Variants in MX2 observed in about 807,000 individuals in gnomAD.
The protein encoded by MX2 is interferon-induced GTP-binding protein Mx2.
MX2 carries 51 observed loss-of-function variants against 74.0 expected under a neutral mutation model. The ratio of observed to expected loss-of-function variants is 0.69; its 90% CI spans 0.55 to 0.87. The LOEUF is 0.87. Among genes scored for constraint, MX2 ranks in the 40% least tolerant of loss-of-function variants. MX2 has a pLI of 0.00. For synonymous variants in MX2, 369 were observed against 339.3 expected (o/e 1.09, Z -0.96); for missense variants, 832 against 908.7 (o/e 0.92, Z 1.09).
At chr21:41,364,201 G>A (rs2089242830) in intron 1 of MX2, 1 of 152,484 alleles carries the variant, frequency 6.6e-6, no homozygotes, top group East Asian at 1.9e-4. Flanking sequence ...CCAGCTTCCT[G>A]GGCCTTCACC....
At position 41,395,752 on chromosome 21, in the gene MX2, A is replaced by G. The variant is rs755302243; in HGVS notation, c.1037A>G (p.Glu346Gly). The change falls in exon 7 of 14, where the codon GAA (glutamate) becomes GGA (glycine). Residue 346 changes from glutamate (E) to glycine (G), a missense_variant. Physicochemically the swap from Glu to Gly is moderately conservative, Grantham distance 98 (BLOSUM62 -2). Transcript: ENST00000330714. Reference sequence around the variant, plus strand: ...AGCTTGGCAGAGGCAACCAAGAAAGAAATTACATTCTTTCAAACACATCCA... The same window carrying G: ...AGCTTGGCAGAGGCAACCAAGAAAGGAATTACATTCTTTCAAACACATCCA... Reference protein sequence around the residue: ...RLSLAEATKKEITFFQTHPYF... With the variant: ...RLSLAEATKKGITFFQTHPYF... 34 of 1,614,082 alleles carry G rather than the reference A, an allele frequency of 2.1e-5. No homozygotes were observed. The highest frequency in any genetic ancestry group is 2.7e-5 in the Non-Finnish European group (32 of 1,180,046).
Position 41,390,647 on chromosome 21 carries a change from C to T in MX2, c.815C>T (p.Thr272Ile). The T allele has an allele frequency of 1.9e-6, 3 of 1,614,180 alleles. No homozygotes were observed. Among genetic ancestry groups the T allele is most frequent in the Non-Finnish European group, 2.5e-6 (3 of 1,180,042 alleles). The change falls in exon 6 of 14, where the codon ACC becomes ATC. Residue 272 changes from threonine to isoleucine, a missense_variant. Physicochemically the swap from Thr to Ile is moderately conservative, Grantham distance 89 (BLOSUM62 -1). Coordinates refer to ENST00000330714, the MANE Select transcript of MX2 (RefSeq NM_002463.2). ...VVVPCNVDIA[T>I]TEALSMAHEV... is the part of the protein sequence containing the mutation. ...GTTCCCTGTAACGTGGACATTGCCA[C>T]CACGGAGGCGCTGAGCATGGCCCAT... is the stretch of plus-strand genomic sequence containing the variant.
At chr21:41,373,155 TC>T (rs1200934708) in intron 1 of MX2, among the ~76,000 whole-genome samples, 1 of 152,162 alleles carries the variant, frequency 6.6e-6, no homozygotes, top group Non-Finnish European at 1.5e-5. Flanking sequence ...TGGCAGTGTC[TC>T]CCGGCTGGGT....
In MX2 at chr21:41,382,529, G is replaced by A; in HGVS notation, c.697G>A (p.Ala233Thr). The A allele has an allele frequency of 6.2e-7, 1 of 1,614,206 alleles. No individual in the cohort carries two copies. The highest frequency in any genetic ancestry group is 2.2e-5 in the East Asian group (1 of 44,892). ...TGACCTTCCCGGCATCACCAGGGTG[G>A]CTGTGGACAACCAGCCCCGAGACAT... is the stretch of plus-strand genomic sequence containing the variant. Reference protein sequence around the residue: ...IIDLPGITRVAVDNQPRDIGL... With the variant: ...IIDLPGITRVTVDNQPRDIGL... Residue 233 changes from alanine to threonine, a missense_variant, in exon 5 of 14, where the codon GCT (alanine) becomes ACT (threonine). Transcript: ENST00000330714.
chr21:41,378,789 G>A (rs1472022379), intron 3 of MX2, among the ~76,000 whole-genome samples: 2 of 152,170 alleles, frequency 1.3e-5, no homozygotes, highest in Non-Finnish European at 2.9e-5. Context: ...ACAGGAAGGG[G>A]AGCAGCTTCC....
intron 12 of MX2, among the ~76,000 whole-genome samples, chr21:41,405,233 TG>T: frequency 6.6e-6 from 1 of 150,588 alleles, no homozygotes; most frequent in South Asian, 2.1e-4. Context: ...CACTGCAGCC[TG>T]GGTAACAAAG....
At chr21:41,392,190 T>C (rs1456376894) in intron 6 of MX2, among the ~76,000 whole-genome samples, 2 of 152,168 alleles carry the variant, frequency 1.3e-5, no homozygotes, top group African/African-American at 4.8e-5. Context: ...TAGAGAAAAG[T>C]GTGCTAGGCT....
intron 1 of MX2, among the ~76,000 whole-genome samples, chr21:41,373,209 A>G (rs2089347674): frequency 6.6e-6 from 1 of 152,236 alleles, no homozygotes; most frequent in Admixed American, 6.5e-5. Context: ...GAATGTTTAC[A>G]GAGTGGATGA....
chr21:41,397,710 G>T lies in MX2; in HGVS notation c.1149+19G>T. On this transcript the variant is annotated intron_variant, in intron 8 of 13. Transcript: ENST00000330714. ...TATCCAAGTGAGCCACGTGGGTTGG[G>T]TGACAAGTCATCAATACAGCATGCC... 1 of 1,608,694 alleles carries T rather than the reference G, an allele frequency of 6.2e-7. No individual in the cohort carries two copies. The highest frequency in any genetic ancestry group is 1.3e-5 in the African/African-American group (1 of 74,918).
At position 41,376,819 on chromosome 21, in the gene MX2, C is replaced by A. The variant is rs2089409168; in HGVS notation, c.-71-17C>A. ...TCTGGTGACCTGTGGGCCGCTCTCCCTCTTGTGTCTTTGCAGAGCTTGTCA... is the reference window on the plus strand; with the variant it reads ...TCTGGTGACCTGTGGGCCGCTCTCCATCTTGTGTCTTTGCAGAGCTTGTCA... On this transcript the variant is annotated splice_polypyrimidine_tract_variant and intron_variant, in intron 1 of 13. Coordinates refer to ENST00000330714, the MANE Select transcript of MX2 (RefSeq NM_002463.2). The A allele has an allele frequency of 1.3e-6, 2 of 1,566,396 alleles. No individual in the cohort carries two copies. Among genetic ancestry groups the A allele is most frequent in the South Asian group, 1.2e-5 (1 of 82,908 alleles).
chr21:41,383,319 C>T (rs922789335), intron 5 of MX2, among the ~76,000 whole-genome samples: 1 of 152,220 alleles, frequency 6.6e-6, no homozygotes, highest in Non-Finnish European at 1.5e-5. Context: ...ATGGTTGTGC[C>T]ACTGCACTCC....
At chr21:41,387,842 A>G (rs1329943887) in intron 5 of MX2, among the ~76,000 whole-genome samples, 1 of 152,066 alleles carries the variant, frequency 6.6e-6, no homozygotes, top group East Asian at 1.9e-4. Context: ...TCCCCCCAGT[A>G]TCTGCTGGCC....
intron 6 of MX2, 136 bp downstream of exon 6, chr21:41,390,839 A>G: frequency 1.0e-6 from 1 of 964,564 alleles, no homozygotes; most frequent in Admixed American, 2.8e-5. Context: ...CCTCGTCTCC[A>G]CTAAAAATAC....
intron 1 of MX2, chr21:41,367,102 G>A (rs952872804): frequency 1.3e-5 from 2 of 152,132 alleles, no homozygotes; most frequent in East Asian, 3.9e-4. Flanking sequence ...AGCCTCCCAC[G>A]GCCAAGGCTA....
At chr21:41,381,704 AAAAG>A (rs1208351509) in intron 4 of MX2, among the ~76,000 whole-genome samples, 2 of 151,710 alleles carry the variant, frequency 1.3e-5, no homozygotes, top group African/African-American at 2.4e-5. Context: ...AAAAAAAAAA[AAAAG>A]AATGAATAGC....
intron 5 of MX2, among the ~76,000 whole-genome samples, chr21:41,385,389 G>T (rs534601942): frequency 6.6e-6 from 1 of 152,228 alleles, no homozygotes; most frequent in African/African-American, 2.4e-5. Flanking sequence ...TGAATCATGT[G>T]GGCAGGTCTT....
chr21:41,380,162 GTCATTCTGAGGTTCGGA>G lies in MX2; in HGVS notation c.577+14_577+30del. The G allele has an allele frequency of 6.2e-7, 1 of 1,613,550 alleles. No homozygotes were observed. Reference sequence around the variant, plus strand: ...AAGAGATACACAAAGGTGGGCCCACGTCATTCTGAGGTTCGGATCTGGCAGCCGCTCCTCTCACTTCC... The same window carrying G: ...AAGAGATACACAAAGGTGGGCCCACGTCTGGCAGCCGCTCCTCTCACTTCC... On this transcript the variant is annotated intron_variant, in intron 4 of 13. Coordinates refer to ENST00000330714, the MANE Select transcript of MX2 (RefSeq NM_002463.2). The surrounding 1 kb of genome is among the most constrained non-coding windows in gnomAD (Gnocchi z 4.3).
intron 12 of MX2, chr21:41,404,618 G>C (rs1298064224): frequency 1.3e-5 from 2 of 152,232 alleles, no homozygotes; most frequent in East Asian, 1.9e-4. Context: ...CAATGAGGCA[G>C]AGGTCACCCT....
chr21:41,371,330 T>G (rs990028790), intron 1 of MX2, among the ~76,000 whole-genome samples: 1 of 152,180 alleles, frequency 6.6e-6, no homozygotes, highest in African/African-American at 2.4e-5. Context: ...GTTGCCTGTT[T>G]CTACTGACTC....
Sources: allele counts gnomAD v4.1 joint callset (sites outside exome capture counted in the v4.1 genomes callset), GRCh38; gene constraint gnomAD v4.1.1; non-coding constraint Gnocchi (gnomAD v3.1); transcripts MANE v1.5; gene names NCBI Gene and HGNC (gene_info 2026-07-23, HGNC 2026-07-21).